Variants in CCDC186 observed in about 807,000 individuals in gnomAD.
The protein encoded by CCDC186 is coiled-coil domain-containing protein 186.
In CCDC186, 49 loss-of-function variants were observed where a neutral mutation model predicts 113.7. The ratio of observed to expected loss-of-function variants is 0.43; its 90% CI spans 0.34 to 0.55. CCDC186 has a LOEUF of 0.55. Among genes scored for constraint, CCDC186 ranks in the 20% least tolerant of loss-of-function variants. CCDC186 has a pLI of 0.02. For missense variants in CCDC186, 890 were observed against 1,011.1 expected, an observed-to-expected ratio of 0.88 and a Z score of 1.62; for synonymous variants, 355 against 345.8, an observed-to-expected ratio of 1.03 and a Z score of -0.30.
chr10:114,148,101 C>T (rs566634573), intron 4 of CCDC186, among the ~76,000 whole-genome samples: 74 of 152,288 alleles, frequency 4.9e-4, no homozygotes, highest in Middle Eastern at 3.4e-3. Context: ...CACCATTGCA[C>T]TCCAGCCTGG....
chr10:114,126,105 T>A lies in CCDC186; in HGVS notation c.2394A>T (p.Lys798Asn). The change falls in exon 15 of 16, where the codon AAA becomes AAT. Residue 798 changes from lysine to asparagine, a missense_variant and splice_region_variant. Transcript: ENST00000369287. ...CTCGTAAAATATAACTTTGAATTAT[T>A]CTGCAAAACAAAATGATAGTATCAG... ...QLVEEIRKKTKIIQSYILREE... is the reference protein window; with the variant it reads ...QLVEEIRKKTNIIQSYILREE... 6.2e-7 allele frequency: 1 copy of A among 1,612,444 alleles called. No homozygotes were observed.
chr10:114,138,899 TG>T (rs1478283156), intron 6 of CCDC186, among the ~76,000 whole-genome samples: 1 of 152,190 alleles, frequency 6.6e-6, no homozygotes, highest in Non-Finnish European at 1.5e-5. Flanking sequence ...GGATTTCAAA[TG>T]GGACTTTTGG....
At chr10:114,141,628 AACAC>A (rs371261366) in intron 6 of CCDC186, among the ~76,000 whole-genome samples, 1 of 150,480 alleles carries the variant, frequency 6.6e-6, no homozygotes, top group Admixed American at 6.6e-5. Context: ...TTCCTCTCTT[AACAC>A]ACACACACAC....
At chr10:114,138,573 A>T (rs1175186996) in intron 6 of CCDC186, among the ~76,000 whole-genome samples, 1 of 152,014 alleles carries the variant, frequency 6.6e-6, no homozygotes, top group East Asian at 1.9e-4. Context: ...CTGATGCTGC[A>T]ATTTGGTTTC....
chr10:114,166,979 A>C (rs535145289), intron 1 of CCDC186, among the ~76,000 whole-genome samples: 27 of 151,638 alleles, frequency 1.8e-4, no homozygotes, highest in African/African-American at 6.3e-4. Context: ...AAAATCATGT[A>C]AATTGGCATG....
chr10:114,126,600 G>A (rs534147144), intron 14 of CCDC186, among the ~76,000 whole-genome samples: 2 of 151,954 alleles, frequency 1.3e-5, no homozygotes, highest in South Asian at 2.1e-4. Context: ...CTCCTGCCTC[G>A]GCCTCCGGCC....
rs536413238 is a variant in CCDC186 at position 114,135,429 on chromosome 10, C to A, written c.1513-374G>T. ...TCTAAATAAATGAATGATACACATT[C>A]ATATTCATATTAGAAGACATACTAA... On this transcript the variant is annotated intron_variant, in intron 9 of 15. Transcript: ENST00000369287. Among the ~76,000 whole-genome samples, 3 of 152,278 alleles carry A rather than the reference C, an allele frequency of 2.0e-5. No homozygotes were observed. The South Asian group carries it at 6.2e-4, about 32-fold the overall frequency.
At chr10:114,163,556 A>T (rs1031509647) in intron 1 of CCDC186, among the ~76,000 whole-genome samples, 1 of 152,226 alleles carries the variant, frequency 6.6e-6, no homozygotes, top group Non-Finnish European at 1.5e-5. Flanking sequence ...CCTTCATTTC[A>T]GTCAAACAAC....
intron 3 of CCDC186, 125 bp downstream of exon 3, chr10:114,157,429 T>C (rs947246330): frequency 1.3e-6 from 1 of 777,506 alleles, no homozygotes; most frequent in Non-Finnish European, 1.9e-6. Context: ...TGGGCTCAAG[T>C]AATCCGCCCA....
At chr10:114,171,461 G>T (rs1323629296) in intron 1 of CCDC186, among the ~76,000 whole-genome samples, 1 of 152,130 alleles carries the variant, frequency 6.6e-6, no homozygotes, top group Non-Finnish European at 1.5e-5. Context: ...TAAGGCAGGA[G>T]GATTGCTTGA....
chr10:114,134,794 A>C (rs775269205), intron 10 of CCDC186, 119 bp downstream of exon 10: 13 of 1,064,072 alleles, frequency 1.2e-5, no homozygotes, highest in Non-Finnish European at 1.8e-5. Context: ...AATATTTAAA[A>C]ATTTCAGCTA....
At chr10:114,154,388 T>C (rs1471483771) in intron 3 of CCDC186, among the ~76,000 whole-genome samples, 1 of 151,914 alleles carries the variant, frequency 6.6e-6, no homozygotes, top group African/African-American at 2.4e-5. Flanking sequence ...CTACTGACCT[T>C]ATAGAAATAA....
rs1005554291 is a variant in CCDC186, at chr10:114,171,370, A to T, written c.-62+2645T>A. Among the ~76,000 whole-genome samples, 11 of 151,892 alleles carry T rather than the reference A, an allele frequency of 7.2e-5. No individual in the cohort carries two copies. The East Asian group carries it at 2.1e-3, about 29-fold the overall frequency. Reference sequence around the variant, plus strand: ...TGGGAAACATAGCAAGACCTGGTCTATAAAAAATAATAATATATAATTTTT... The same window carrying T: ...TGGGAAACATAGCAAGACCTGGTCTTTAAAAAATAATAATATATAATTTTT... On this transcript the variant is annotated intron_variant, in intron 1 of 15. Transcript: ENST00000369287.
chr10:114,148,757 T>C (rs2031722994), intron 4 of CCDC186, among the ~76,000 whole-genome samples: 1 of 152,174 alleles, frequency 6.6e-6, no homozygotes, highest in Non-Finnish European at 1.5e-5. Context: ...CCATGGGAGA[T>C]GTGGGTGGGG....
intron 7 of CCDC186, among the ~76,000 whole-genome samples, 198 bp downstream of exon 7, chr10:114,136,988 G>A (rs2031283455): frequency 6.6e-6 from 1 of 152,000 alleles, no homozygotes; most frequent in African/African-American, 2.4e-5. Flanking sequence ...GTGGTGGCAG[G>A]CACTTGTAAT....
At chr10:114,152,777 A>C (rs1262539159) in intron 3 of CCDC186, among the ~76,000 whole-genome samples, 2 of 152,218 alleles carry the variant, frequency 1.3e-5, no homozygotes, top group Non-Finnish European at 2.9e-5. Flanking sequence ...AATGCAAGTA[A>C]ACTGAAAAGA....
intron 14 of CCDC186, among the ~76,000 whole-genome samples, chr10:114,126,607 G>A (rs950868785): frequency 1.2e-4 from 18 of 152,012 alleles, no homozygotes; most frequent in Admixed American, 5.9e-4. Flanking sequence ...CTCGGCCTCC[G>A]GCCTCCCAAA....
intron 6 of CCDC186, among the ~76,000 whole-genome samples, chr10:114,142,101 G>C (rs1170408423): frequency 1.3e-5 from 2 of 152,100 alleles, no homozygotes; most frequent in African/African-American, 4.8e-5. Context: ...GCCCATTCTG[G>C]CTTCTAATGA....
chr10:114,160,309 A>G (rs891351265), intron 2 of CCDC186, among the ~76,000 whole-genome samples: 2 of 152,088 alleles, frequency 1.3e-5, no homozygotes, highest in Non-Finnish European at 2.9e-5. Context: ...TTAGACAGTA[A>G]TATTGATGTG....
Sources: gnomAD v4.1 joint callset for allele counts (sites outside exome capture counted in the v4.1 genomes callset) on GRCh38, gnomAD v4.1.1 for gene constraint, MANE v1.5 for transcripts, NCBI Gene and HGNC (gene_info 2026-07-23, HGNC 2026-07-21) for gene names.